The following BMERB1 variants were observed in gnomAD, a reference collection of about 807,000 sequenced individuals.
The protein encoded by BMERB1 is bMERB domain-containing protein 1.
In BMERB1, 12 loss-of-function variants were observed where a neutral mutation model predicts 23.6. That is an observed-to-expected ratio of 0.51 (90% CI 0.33 to 0.82). The LOEUF (loss-of-function observed/expected upper bound fraction) is 0.82, where lower values mean the gene tolerates loss of function less well. BMERB1 is among the 40% of genes least tolerant of loss of function. The pLI, the probability that BMERB1 is intolerant of heterozygous loss-of-function variation, is 0.03. For synonymous variants in BMERB1, 122 were observed against 96.6 expected (o/e 1.26, Z -1.54); for missense variants, 247 against 255.4 (o/e 0.97, Z 0.22).
intron 2 of BMERB1, among the ~76,000 whole-genome samples, chr16:15,565,052 C>CAA (rs113797043): frequency 2.4e-5 from 3 of 124,198 alleles, no homozygotes; most frequent in African/African-American, 6.0e-5. Flanking sequence ...TTCCTTTATG[C>CAA]AAAAAAAAAA....
intron 1 of BMERB1, among the ~76,000 whole-genome samples, chr16:15,439,416 AG>A (rs1329933587): frequency 6.6e-6 from 1 of 152,224 alleles, no homozygotes; most frequent in Non-Finnish European, 1.5e-5. Context: ...CGCTCAATCA[AG>A]GTTGAATGGT....
At chr16:15,500,332 G>A (rs550282178) in intron 1 of BMERB1, among the ~76,000 whole-genome samples, 46 of 152,178 alleles carry the variant, frequency 3.0e-4, no homozygotes, top group Non-Finnish European at 5.4e-4. Context: ...CCCTGCTGAA[G>A]GGGAGGGTCT....
chr16:15,447,715 G>A (rs1363901727), intron 1 of BMERB1, among the ~76,000 whole-genome samples: 1 of 152,114 alleles, frequency 6.6e-6, no homozygotes, highest in African/African-American at 2.4e-5. Context: ...AGGAAGAATG[G>A]AGGTGACGAT....
At chr16:15,545,734 A>C (rs1282872129) in intron 2 of BMERB1, among the ~76,000 whole-genome samples, 1 of 152,156 alleles carries the variant, frequency 6.6e-6, no homozygotes, top group Non-Finnish European at 1.5e-5. Context: ...AGTCTTGGAC[A>C]TGAGCTTCTG....
intron 1 of BMERB1, among the ~76,000 whole-genome samples, chr16:15,439,186 A>G (rs1016606506): frequency 1.3e-5 from 2 of 152,166 alleles, no homozygotes; most frequent in African/African-American, 2.4e-5. Flanking sequence ...AGTAGCAAAG[A>G]AGGAACGTTT....
intron 1 of BMERB1, among the ~76,000 whole-genome samples, chr16:15,512,878 C>CAA (rs34739697): frequency 0.02 from 2,585 of 130,900 alleles, 79 homozygotes; most frequent in African/African-American, 0.069. Context: ...TACTCCGTCT[C>CAA]AAAAAAAAAA....
intron 1 of BMERB1, among the ~76,000 whole-genome samples, chr16:15,445,909 A>G (rs1391073469): frequency 6.6e-6 from 1 of 152,210 alleles, no homozygotes; most frequent in Non-Finnish European, 1.5e-5. Flanking sequence ...AATGCTTCTC[A>G]GCAGTAAAAA....
chr16:15,570,055 A>G (rs545060908), intron 3 of BMERB1, among the ~76,000 whole-genome samples: 2 of 152,332 alleles, frequency 1.3e-5, no homozygotes, highest in African/African-American at 2.4e-5. Context: ...TGGTTAGATC[A>G]GATCCCTTTC....
At chr16:15,540,389 G>A (rs1319275568) in intron 2 of BMERB1, among the ~76,000 whole-genome samples, 8 of 151,892 alleles carry the variant, frequency 5.3e-5, no homozygotes, top group Admixed American at 4.6e-4. Context: ...AGCGGCTCTC[G>A]GTGGCATGCA....
At chr16:15,560,169 G>A (rs1177342049) in intron 2 of BMERB1, among the ~76,000 whole-genome samples, 3 of 152,186 alleles carry the variant, frequency 2.0e-5, no homozygotes, top group Admixed American at 6.5e-5. Flanking sequence ...CGTGAATCCC[G>A]TCAGCAGTTC....
At chr16:15,503,447 A>ATTTTTT (rs35592502) in intron 1 of BMERB1, among the ~76,000 whole-genome samples, 4 of 133,322 alleles carry the variant, frequency 3.0e-5, no homozygotes, top group Non-Finnish European at 1.6e-5. Context: ...ACGCCCGGCT[A>ATTTTTT]TTTTTTTTTT....
intron 2 of BMERB1, among the ~76,000 whole-genome samples, chr16:15,542,930 T>G (rs1462403176): frequency 6.6e-6 from 1 of 152,118 alleles, no homozygotes; most frequent in African/African-American, 2.4e-5. Context: ...TAATACTCTT[T>G]TAGCAGTTGC....
intron 2 of BMERB1, among the ~76,000 whole-genome samples, chr16:15,520,269 C>T (rs1050677985): frequency 6.6e-6 from 1 of 152,046 alleles, no homozygotes; most frequent in Non-Finnish European, 1.5e-5. Context: ...TATCTTTATT[C>T]TCAATGCCAG....
At chr16:15,583,109 C>T (rs762060965) in intron 4 of BMERB1, 47 bp from the exon 5 acceptor site, 2 of 1,425,492 alleles carry the variant, frequency 1.4e-6, no homozygotes, top group South Asian at 1.1e-5. Context: ...TGATGCTTTC[C>T]TTGCTTGCTG....
chr16:15,556,956 A>G (rs1044757113), intron 2 of BMERB1, among the ~76,000 whole-genome samples: 1 of 152,184 alleles, frequency 6.6e-6, no homozygotes, highest in African/African-American at 2.4e-5. Context: ...AAAGGAGACA[A>G]TAAAGACTAT....
rs2051427587 is a variant in BMERB1 at position 15,492,210 on chromosome 16, G to GT, written c.107-23089dup. 2.0e-5 allele frequency among the ~76,000 whole-genome samples: 3 copies of GT among 152,218 alleles called. No homozygotes were observed. The South Asian group carries it at 6.2e-4, about 32-fold the overall frequency. On this transcript the variant is annotated intron_variant, in intron 1 of 5. Coordinates refer to ENST00000300006, the MANE Select transcript of BMERB1 (RefSeq NM_033201.3). ...TTTTGTGCTCAGTGTTTTTGGTTTT[G>GT]TTTTTTCGACATCATTGGCTTTTAA...
chr16:15,469,887 A>G (rs527373994), intron 1 of BMERB1, among the ~76,000 whole-genome samples: 1 of 152,286 alleles, frequency 6.6e-6, no homozygotes, highest in Non-Finnish European at 1.5e-5. Context: ...GTTTTTTGGT[A>G]AGTTATTGGA....
intron 1 of BMERB1, among the ~76,000 whole-genome samples, chr16:15,514,150 T>C (rs2051714280): frequency 6.6e-6 from 1 of 151,956 alleles, no homozygotes; most frequent in Admixed American, 6.6e-5. Flanking sequence ...GGGCCTGTAG[T>C]TCCAGCTACT....
intron 3 of BMERB1, among the ~76,000 whole-genome samples, chr16:15,573,341 C>A (rs2030779122): frequency 1.3e-5 from 2 of 152,136 alleles, no homozygotes; most frequent in Non-Finnish European, 2.9e-5. Context: ...TCATGCATAG[C>A]CGGCTGAGGG....
Sources: gnomAD v4.1 joint callset for allele counts (sites outside exome capture counted in the v4.1 genomes callset) on GRCh38, gnomAD v4.1.1 for gene constraint, MANE v1.5 for transcripts, NCBI Gene and HGNC (gene_info 2026-07-23, HGNC 2026-07-21) for gene names.